The following MAP3K1 variants were observed in gnomAD, a reference collection of about 807,000 sequenced individuals.
The protein encoded by MAP3K1 is mitogen-activated protein kinase kinase kinase 1, also known as MAP/ERK kinase kinase 1.
A neutral mutation model predicts 144.2 loss-of-function variants in MAP3K1; 36 were observed. The ratio of observed to expected loss-of-function variants is 0.25; its 90% confidence interval spans 0.19 to 0.33. MAP3K1 has a LOEUF of 0.33. Ranked by LOEUF, MAP3K1 falls within the 10% of genes least tolerant of loss-of-function variation. The pLI is 1.00. For missense variants in MAP3K1, 1,650 were observed against 1,881.9 expected (o/e 0.88, Z 2.28); for synonymous variants, 718 against 688.7 (o/e 1.04, Z -0.67).
At chr5:56,887,728 ATTT>A (rs1748426648) in intron 18 of MAP3K1, 1 of 576,048 alleles carries the variant, frequency 1.7e-6, no homozygotes, top group African/African-American at 1.9e-5. Context: ...GTTTTAATAG[ATTT>A]ACTTAACGGC....
intron 1 of MAP3K1, among the ~76,000 whole-genome samples, chr5:56,825,349 G>A (rs1385460501): frequency 2.0e-5 from 3 of 152,066 alleles, no homozygotes; most frequent in Admixed American, 6.5e-5. Context: ...TTCAAGTTTT[G>A]TACAAAGATT....
intron 1 of MAP3K1, among the ~76,000 whole-genome samples, chr5:56,816,398 GGGCGGGGCACGGCCCTGC>G (rs1455257767): frequency 3.9e-5 from 6 of 152,058 alleles, no homozygotes; most frequent in African/African-American, 1.4e-4. Flanking sequence ...AGGAGCCCGG[GGGCGGGGCACGGCCCTGC>G]GGCGGCGCCC....
chr5:56,870,103 C>A (rs1293769873), intron 6 of MAP3K1, among the ~76,000 whole-genome samples: 1 of 152,066 alleles, frequency 6.6e-6, no homozygotes, highest in Non-Finnish European at 1.5e-5. Context: ...TTTGCCATTA[C>A]TTCTAATGGC....
At chr5:56,822,811 A>G (rs1746193056) in intron 1 of MAP3K1, among the ~76,000 whole-genome samples, 1 of 152,140 alleles carries the variant, frequency 6.6e-6, no homozygotes, top group African/African-American at 2.4e-5. Flanking sequence ...ATCTTCCCTA[A>G]ACCTTCTCCT....
rs769528917 is a variant in MAP3K1 at position 56,883,528 on chromosome 5, C to T, written c.3668C>T (p.Thr1223Ile). The T allele has an allele frequency of 1.2e-5, 19 of 1,613,710 alleles. No individual in the cohort carries two copies. The highest frequency in any genetic ancestry group is 1.5e-5 in the Non-Finnish European group (18 of 1,179,726). Residue 1223 changes from threonine (T) to isoleucine (I), a missense_variant and splice_region_variant, in exon 15 of 20, where the codon ACA (threonine) becomes ATA (isoleucine). Thr to Ile is a moderately conservative substitution (Grantham distance 89, BLOSUM62 -1). Around this residue, in one of 6 missense-constraint regions of MAP3K1, gnomAD observed 841 missense variants for 886.5 expected, o/e 0.95. Coordinates refer to ENST00000399503, the MANE Select transcript of MAP3K1 (RefSeq NM_005921.2). Reference sequence around the variant, plus strand: ...AGATTGCTTTCGTTTAATATGTAGACACCAGAGACTCTACCAGGACATACC... The same window carrying T: ...AGATTGCTTTCGTTTAATATGTAGATACCAGAGACTCTACCAGGACATACC... ...GEDIIIIQQD[T>I]PETLPGHTKA...
At chr5:56,884,104 G>A (rs950491467) in intron 15 of MAP3K1, among the ~76,000 whole-genome samples, 7 of 152,006 alleles carry the variant, frequency 4.6e-5, no homozygotes, top group Non-Finnish European at 7.4e-5. Context: ...AGCCGAGATC[G>A]CACCACTGTA....
chr5:56,826,551 A>G (rs1001221892), intron 1 of MAP3K1, among the ~76,000 whole-genome samples: 38 of 152,210 alleles, frequency 2.5e-4, no homozygotes, highest in Non-Finnish European at 4.4e-5. Context: ...CGAGACCTTC[A>G]CAGGTCAGAC....
intron 14 of MAP3K1, 114 bp downstream of exon 14, chr5:56,882,980 G>T: frequency 1.2e-6 from 1 of 836,672 alleles, no homozygotes; most frequent in Non-Finnish European, 1.9e-6. Context: ...CTTGAGCACA[G>T]GAGTTCGAAA....
chr5:56,840,866 TA>T (rs1746790823), intron 1 of MAP3K1, among the ~76,000 whole-genome samples: 1 of 150,592 alleles, frequency 6.6e-6, no homozygotes, highest in South Asian at 2.1e-4. Flanking sequence ...GCAAAATTGT[TA>T]AGGTTTTTTT....
At chr5:56,854,294 G>A (rs188991340) in intron 1 of MAP3K1, among the ~76,000 whole-genome samples, 87 of 151,918 alleles carry the variant, frequency 5.7e-4, no homozygotes, top group Non-Finnish European at 8.8e-5. Flanking sequence ...TTAGCCAGGC[G>A]TGGTGGCACA....
At chr5:56,816,097 G>C in intron 1 of MAP3K1, 42 bp downstream of exon 1, 1 of 1,201,716 alleles carries the variant, frequency 8.3e-7, no homozygotes, top group Non-Finnish European at 1.0e-6. Flanking sequence ...CTTGGAGAGC[G>C]GGCAGAGGGC....
At chr5:56,833,310 T>TC (rs1192675396) in intron 1 of MAP3K1, among the ~76,000 whole-genome samples, 1 of 152,242 alleles carries the variant, frequency 6.6e-6, no homozygotes, top group African/African-American at 2.4e-5. Context: ...TGTTAATACA[T>TC]ACATTTTTTT....
At chr5:56,832,434 C>T (rs1018135794) in intron 1 of MAP3K1, among the ~76,000 whole-genome samples, 1 of 152,202 alleles carries the variant, frequency 6.6e-6, no homozygotes, top group East Asian at 1.9e-4. Context: ...TTAACTTCCT[C>T]TGTGCTTGGT....
At chr5:56,838,900 GT>G (rs1371072592) in intron 1 of MAP3K1, among the ~76,000 whole-genome samples, 1 of 152,050 alleles carries the variant, frequency 6.6e-6, no homozygotes, top group African/African-American at 2.4e-5. Flanking sequence ...AAGGTTTTTT[GT>G]TTTGTTTTGT....
intron 2 of MAP3K1, among the ~76,000 whole-genome samples, chr5:56,857,653 G>T (rs889351375): frequency 6.6e-6 from 1 of 152,092 alleles, no homozygotes; most frequent in African/African-American, 2.4e-5. Flanking sequence ...TAGTTCCTCA[G>T]TCTCACCAAC....
chr5:56,855,321 C>T (rs533987049), intron 1 of MAP3K1, among the ~76,000 whole-genome samples: 18 of 152,184 alleles, frequency 1.2e-4, no homozygotes, highest in African/African-American at 3.1e-4. Flanking sequence ...TTGAAAGTCT[C>T]ATATTGCTTC....
chr5:56,822,125 A>G (rs252903), intron 1 of MAP3K1, among the ~76,000 whole-genome samples: 81,439 of 151,950 alleles, frequency 0.54, 23,234 homozygotes, highest in Non-Finnish European at 0.65. Context: ...GGTTCAAGCA[A>G]TTCTCCTGCC....
intron 19 of MAP3K1, among the ~76,000 whole-genome samples, chr5:56,891,993 G>A (rs1321668686): frequency 1.3e-5 from 2 of 152,106 alleles, no homozygotes; most frequent in Non-Finnish European, 2.9e-5. Context: ...TGTTCTTTTG[G>A]CTTAGGATTG....
chr5:56,892,832 T>TA (rs1383690047), intron 19 of MAP3K1, among the ~76,000 whole-genome samples: 14 of 152,156 alleles, frequency 9.2e-5, no homozygotes, highest in Non-Finnish European at 1.3e-4. Context: ...ATACTTTTTT[T>TA]TATATATGAC....
Sources: allele counts gnomAD v4.1 joint callset (sites outside exome capture counted in the v4.1 genomes callset), GRCh38; gene constraint gnomAD v4.1.1; regional missense constraint gnomAD v4.1.1; transcripts MANE v1.5; gene names NCBI Gene and HGNC (gene_info 2026-07-23, HGNC 2026-07-21).